Variants in ACLY observed in about 807,000 individuals in gnomAD.
ACLY encodes the protein ATP citrate lyase, also known as ATP-citrate synthase.
ACLY carries 41 observed loss-of-function variants against 133.0 expected under a neutral mutation model. The observed-to-expected ratio is 0.31, with a 90% CI of 0.24 to 0.40. The LOEUF is 0.40. Among genes scored for constraint, ACLY ranks in the 10% least tolerant of loss-of-function variants. The probability of loss-of-function intolerance (pLI) is 1.00; values close to 1 mark genes in which losing one functional copy is unlikely to be tolerated. For missense variants in ACLY, 1,046 were observed against 1,453.8 expected, an observed-to-expected ratio of 0.72 and a Z score of 4.56; for synonymous variants, 495 against 549.3, an observed-to-expected ratio of 0.90 and a Z score of 1.38.
rs201327754 is a variant in ACLY, at chr17:41,898,798, GA to G, written c.1184-14del. 2.7e-5 allele frequency: 43 copies of G among 1,594,432 alleles called. No individual in the cohort carries two copies. The highest frequency in any genetic ancestry group is 5.6e-5 in the South Asian group (5 of 89,224). ...CCAGTGGTCTTCCCTGCAAGGGAAG[GA>G]AAAAAAAATCCATAATTCAAGTCTG... On this transcript the variant is annotated splice_polypyrimidine_tract_variant and intron_variant, in intron 11 of 28. Transcript: ENST00000352035.
intron 10 of ACLY, chr17:41,904,501 G>A (rs1367220034): frequency 1.8e-5 from 10 of 559,354 alleles, no homozygotes; most frequent in South Asian, 2.2e-5. Context: ...AGGTGGGAGA[G>A]TTATAGTTCA....
chr17:41,900,796 A>G (rs934589239), intron 11 of ACLY, among the ~76,000 whole-genome samples: 3 of 151,974 alleles, frequency 2.0e-5, no homozygotes, highest in Non-Finnish European at 4.4e-5. Context: ...TCTCACAGTG[A>G]TGGCCAAGTC....
At chr17:41,926,208 T>C (rs368447267) in intron 1 of ACLY, among the ~76,000 whole-genome samples, 2 of 152,164 alleles carry the variant, frequency 1.3e-5, no homozygotes, top group South Asian at 4.1e-4. Flanking sequence ...AGCAATAACA[T>C]GAGGAACATA....
intron 14 of ACLY, among the ~76,000 whole-genome samples, chr17:41,896,104 T>A (rs562986794): frequency 5.3e-5 from 8 of 152,188 alleles, no homozygotes; most frequent in Admixed American, 5.2e-4. Flanking sequence ...AAAGATAAAC[T>A]GGTCCCTGGA....
In ACLY at chr17:41,868,000, A is replaced by G. The variant is rs1219604842; in HGVS notation, c.3212-96T>C. ...GGAAATCTTTCTAACACACAAAAAAAGTAGACACAAAGCAGTGGGAAGTTT... is the reference window on the plus strand; with the variant it reads ...GGAAATCTTTCTAACACACAAAAAAGGTAGACACAAAGCAGTGGGAAGTTT... On this transcript the variant is annotated intron_variant, in intron 28 of 28. Transcript: ENST00000352035. 3 of 846,930 alleles carry G rather than the reference A, an allele frequency of 3.5e-6. No individual in the cohort carries two copies. The African/African-American group carries it at 5.2e-5, about 15-fold the overall frequency. The allele number at this position is 846,930 out of a possible 1,614,324, so 52.5% of individuals were successfully genotyped here.
intron 28 of ACLY, among the ~76,000 whole-genome samples, chr17:41,868,152 A>G (rs1434288717): frequency 2.6e-5 from 4 of 152,056 alleles, no homozygotes; most frequent in African/African-American, 9.7e-5. Flanking sequence ...TAAATAATAA[A>G]AATAGGCCGG....
At position 41,883,186 on chromosome 17, in the gene ACLY, C is replaced by G. The variant is rs1555627654; in HGVS notation, c.2201G>C (p.Gly734Ala). 6.2e-7 allele frequency: 1 copy of G among 1,614,024 alleles called. No individual in the cohort carries two copies. The highest frequency in any genetic ancestry group is 1.1e-5 in the South Asian group (1 of 91,084). The change falls in exon 20 of 29, where the codon GGC becomes GCC. Residue 734 changes from glycine to alanine, a missense_variant. Transcript: ENST00000352035. ...GCAGACGATGGGCTTAGTGAGGCGG[C>G]CCTCCTTGATGCCCCGGCAAATCTT... ...EYKICRGIKE[G>A]RLTKPIVCWC...
chr17:41,888,403 C>G (rs1475773929), intron 16 of ACLY, among the ~76,000 whole-genome samples: 2 of 152,212 alleles, frequency 1.3e-5, no homozygotes, highest in African/African-American at 4.8e-5. Context: ...AAGCAGCTAT[C>G]TAAGGCTTTT....
chr17:41,879,032 A>G, intron 20 of ACLY, 108 bp from the exon 21 acceptor site: 1 of 1,393,170 alleles, frequency 7.2e-7, no homozygotes, highest in East Asian at 2.3e-5. Flanking sequence ...TTTAAGCCTC[A>G]AGCAAGCTCA....
At chr17:41,876,172 G>A (rs1484716237) in intron 22 of ACLY, among the ~76,000 whole-genome samples, 13 of 151,102 alleles carry the variant, frequency 8.6e-5, no homozygotes, top group Non-Finnish European at 1.2e-4. Context: ...GAGCCCCTCC[G>A]CCCGGCAGCC....
At chr17:41,874,756 G>A (rs562033296) in intron 22 of ACLY, among the ~76,000 whole-genome samples, 1 of 150,076 alleles carries the variant, frequency 6.7e-6, no homozygotes, top group African/African-American at 2.4e-5. Flanking sequence ...TGTAATTTTA[G>A]TAGAGATGAG....
At chr17:41,879,631 G>A (rs571393463) in intron 20 of ACLY, among the ~76,000 whole-genome samples, 19 of 77,414 alleles carry the variant, frequency 2.5e-4, no homozygotes, top group South Asian at 2.4e-3. Flanking sequence ...AGGGTGATAA[G>A]AGCAAGACTC....
intron 1 of ACLY, among the ~76,000 whole-genome samples, chr17:41,926,066 A>T (rs1418810576): frequency 6.6e-6 from 1 of 151,964 alleles, no homozygotes; most frequent in Admixed American, 6.6e-5. Context: ...CCTGGTCTTG[A>T]ACTCCCGACT....
At chr17:41,875,423 CCACGG>C (rs2048713401) in intron 22 of ACLY, among the ~76,000 whole-genome samples, 2 of 146,560 alleles carry the variant, frequency 1.4e-5, no homozygotes, top group African/African-American at 4.9e-5. Context: ...CTCCCTCTCC[CCACGG>C]TCTCCCTCTC....
chr17:41,895,848 C>T (rs1315306195), intron 14 of ACLY, among the ~76,000 whole-genome samples: 3 of 152,220 alleles, frequency 2.0e-5, no homozygotes, highest in Non-Finnish European at 2.9e-5. Context: ...AAGACTTCCC[C>T]GCCTCCACGG....
intron 16 of ACLY, among the ~76,000 whole-genome samples, chr17:41,889,823 C>G (rs554122178): frequency 1.3e-5 from 2 of 152,030 alleles, no homozygotes; most frequent in African/African-American, 2.4e-5. Context: ...GTAGCTGGCA[C>G]TACAGGTGTC....
At chr17:41,912,092 C>A (rs1555633731) in intron 3 of ACLY, among the ~76,000 whole-genome samples, 3 of 149,408 alleles carry the variant, frequency 2.0e-5, no homozygotes, top group Non-Finnish European at 4.4e-5. Flanking sequence ...CCAGCCTGGG[C>A]TACAGAGCAA....
intron 28 of ACLY, among the ~76,000 whole-genome samples, chr17:41,868,210 G>T (rs988998936): frequency 6.6e-6 from 1 of 151,990 alleles, no homozygotes; most frequent in Admixed American, 6.6e-5. Flanking sequence ...AGGCCGAGGT[G>T]GGCAGATCAC....
chr17:41,873,739 C>T, intron 23 of ACLY, 72 bp downstream of exon 23: 1 of 1,465,516 alleles, frequency 6.8e-7, no homozygotes, highest in South Asian at 1.4e-5. Context: ...TGTCCACTCC[C>T]ACCCCTTTGT....
Sources: allele counts gnomAD v4.1 joint callset (sites outside exome capture counted in the v4.1 genomes callset), GRCh38; gene constraint gnomAD v4.1.1; transcripts MANE v1.5; gene names NCBI Gene and HGNC (gene_info 2026-07-23, HGNC 2026-07-21).